The following PRKD1 variants were observed in gnomAD, a reference collection of about 807,000 sequenced individuals.
PRKD1 encodes the protein serine/threonine-protein kinase D1.
In PRKD1, 63 loss-of-function variants were observed where a neutral mutation model predicts 95.9. The observed-to-expected ratio is 0.66, with a 90% CI of 0.54 to 0.81. The LOEUF (loss-of-function observed/expected upper bound fraction) is 0.81. Among genes scored for constraint, PRKD1 ranks in the 30% least tolerant of loss-of-function variants. The pLI is 0.00. For synonymous variants in PRKD1, 425 were observed against 423.1 expected, an observed-to-expected ratio of 1.00 and a Z score of -0.05; for missense variants, 1,048 against 1,165.3, an observed-to-expected ratio of 0.90 and a Z score of 1.47.
chr14:29,826,618 TAC>T (rs1236098003), intron 1 of PRKD1, among the ~76,000 whole-genome samples: 12 of 127,476 alleles, frequency 9.4e-5, no homozygotes, highest in Admixed American at 2.5e-4. Flanking sequence ...TACATACATA[TAC>T]ACACACATAT....
At chr14:29,853,597 T>G (rs1892387349) in intron 1 of PRKD1, among the ~76,000 whole-genome samples, 1 of 152,238 alleles carries the variant, frequency 6.6e-6, no homozygotes, top group Non-Finnish European at 1.5e-5. Flanking sequence ...GTCTTTGCAC[T>G]ATATTCCATG....
intron 1 of PRKD1, among the ~76,000 whole-genome samples, chr14:29,787,393 T>C (rs1012347245): frequency 6.6e-6 from 1 of 152,088 alleles, no homozygotes; most frequent in African/African-American, 2.4e-5. Flanking sequence ...TTGCTGATTT[T>C]CACTCTAGAT....
chr14:29,588,182 G>A (rs1373001635), intron 16 of PRKD1, among the ~76,000 whole-genome samples: 2 of 152,126 alleles, frequency 1.3e-5, no homozygotes, highest in African/African-American at 4.8e-5. Context: ...TCATCTACCC[G>A]AGGCTTATTT....
intron 1 of PRKD1, among the ~76,000 whole-genome samples, chr14:29,899,910 G>A (rs1894264039): frequency 6.6e-6 from 1 of 152,150 alleles, no homozygotes. Context: ...TTTCCTCCAT[G>A]CTGCTCTTGT....
intron 1 of PRKD1, among the ~76,000 whole-genome samples, chr14:29,826,628 T>C (rs1446201104): frequency 4.5e-5 from 5 of 111,552 alleles, no homozygotes; most frequent in African/African-American, 7.1e-5. Flanking sequence ...TACACACACA[T>C]ATATATGTGT....
chr14:29,782,726 G>C (rs1182708461), intron 1 of PRKD1, among the ~76,000 whole-genome samples: 4 of 151,266 alleles, frequency 2.6e-5, no homozygotes, highest in Non-Finnish European at 5.9e-5. Context: ...TTTTTTTTTG[G>C]TTGAGATGGG....
Position 29,630,845 on chromosome 14 carries a change from G to A in PRKD1, c.1569C>T (p.Gly523=), listed in dbSNP as rs202096796. Residue 523 remains glycine (G), a synonymous_variant, in exon 10 of 18, where the codon GGC becomes GGT. Transcript: ENST00000331968. The stretch of plus-strand genomic sequence containing the variant: ...ACATCCTGGCCACATCTGCACCAAC[G>A]CCACTGGTGAGAACACTGTTATTTG... ...PSPNNSVLTS[G]VGADVARMWE... 1.5e-5 allele frequency: 24 copies of A among 1,613,948 alleles called. No homozygotes were observed. The highest frequency in any genetic ancestry group is 1.9e-5 in the Non-Finnish European group (23 of 1,180,006).
rs997005789 is a variant in PRKD1, at chr14:29,847,601, A to G, written c.264+79648T>C. ...CTTTCTATTTTTTGTAGGGACTCTG[A>G]TCATATATTTCATGCAACAGACTAA... On this transcript the variant is annotated intron_variant, in intron 1 of 17. Transcript: ENST00000331968. Among the ~76,000 whole-genome samples the G allele has an allele frequency of 3.9e-5, 6 of 152,182 alleles. No individual in the cohort carries two copies. The East Asian group carries it at 1.2e-3, about 29-fold the overall frequency.
At chr14:29,706,529 T>C (rs551183773) in intron 2 of PRKD1, among the ~76,000 whole-genome samples, 12 of 152,254 alleles carry the variant, frequency 7.9e-5, no homozygotes, top group African/African-American at 2.6e-4. Context: ...CTGACTTAAG[T>C]GCCCATGACA....
chr14:29,702,891 T>G (rs1173972505), intron 2 of PRKD1, among the ~76,000 whole-genome samples: 1 of 152,212 alleles, frequency 6.6e-6, no homozygotes, highest in Non-Finnish European at 1.5e-5. Context: ...TGTAATTTCA[T>G]GATTTGTTTG....
chr14:29,780,019 C>A (rs1392712847), intron 1 of PRKD1, among the ~76,000 whole-genome samples: 1 of 152,048 alleles, frequency 6.6e-6, no homozygotes, highest in African/African-American at 2.4e-5. Flanking sequence ...ACAAACCTGA[C>A]AAAAACAAGA....
intron 4 of PRKD1, among the ~76,000 whole-genome samples, chr14:29,663,129 G>C (rs995204401): frequency 1.6e-5 from 2 of 122,278 alleles, no homozygotes; most frequent in African/African-American, 6.6e-5. Context: ...ATATCTTATG[G>C]ATATAGTTAA....
intron 1 of PRKD1, among the ~76,000 whole-genome samples, chr14:29,769,594 C>G (rs1486425890): frequency 2.0e-5 from 3 of 151,952 alleles, no homozygotes; most frequent in African/African-American, 7.3e-5. Context: ...GAGAGAGAGA[C>G]AGAGAGAGAC....
intron 2 of PRKD1, among the ~76,000 whole-genome samples, chr14:29,672,886 GAA>G (rs907581299): frequency 1.5e-4 from 22 of 143,536 alleles, no homozygotes; most frequent in Admixed American, 4.9e-4. Flanking sequence ...CTCCTTCTCA[GAA>G]AAAAAAAAAG....
At chr14:29,653,997 T>C (rs1288253625) in intron 4 of PRKD1, among the ~76,000 whole-genome samples, 1 of 152,068 alleles carries the variant, frequency 6.6e-6, no homozygotes, top group Non-Finnish European at 1.5e-5. Context: ...ACACCTGTTG[T>C]TGGGAAGAGT....
intron 1 of PRKD1, among the ~76,000 whole-genome samples, chr14:29,734,538 T>C (rs1226430015): frequency 6.6e-6 from 1 of 152,162 alleles, no homozygotes; most frequent in African/African-American, 2.4e-5. Context: ...GTTCTGGGGA[T>C]AGTTCATTCC....
chr14:29,814,750 C>G (rs1890625504), intron 1 of PRKD1, among the ~76,000 whole-genome samples: 2 of 152,204 alleles, frequency 1.3e-5, no homozygotes, highest in Non-Finnish European at 2.9e-5. Context: ...TATCTACTCA[C>G]TACAAAAACC....
At chr14:29,582,898 T>A (rs1300242158) in intron 16 of PRKD1, among the ~76,000 whole-genome samples, 1 of 152,098 alleles carries the variant, frequency 6.6e-6, no homozygotes, top group Non-Finnish European at 1.5e-5. Context: ...AATTGGGCCA[T>A]TCTATGAATT....
intron 2 of PRKD1, among the ~76,000 whole-genome samples, chr14:29,715,383 C>T (rs894497904): frequency 6.6e-6 from 1 of 151,910 alleles, no homozygotes; most frequent in Non-Finnish European, 1.5e-5. Flanking sequence ...CTATTGAACA[C>T]TTGAAATGTG....
Sources: gnomAD v4.1 joint callset for allele counts (sites outside exome capture counted in the v4.1 genomes callset) on GRCh38, gnomAD v4.1.1 for gene constraint, MANE v1.5 for transcripts, NCBI Gene and HGNC (gene_info 2026-07-23, HGNC 2026-07-21) for gene names.